Variants in DNAL1 observed in about 807,000 individuals in gnomAD.
DNAL1 encodes the protein dynein axonemal light chain 1.
In DNAL1, 17 loss-of-function variants were observed where a neutral mutation model predicts 29.4. The observed-to-expected ratio is 0.58, with a 90% CI of 0.40 to 0.87. DNAL1 has a LOEUF of 0.87. Among genes scored for constraint, DNAL1 ranks in the 40% least tolerant of loss-of-function variants. The pLI, the probability that DNAL1 is intolerant of heterozygous loss-of-function variation, is 0.00. For synonymous variants in DNAL1, 78 were observed against 76.3 expected (o/e 1.02, Z -0.12); for missense variants, 188 against 214.1 (o/e 0.88, Z 0.76).
At chr14:73,679,237 G>T (rs2018718) in intron 5 of DNAL1, among the ~76,000 whole-genome samples, 29,241 of 152,042 alleles carry the variant, frequency 0.19, 3,729 homozygotes, top group Non-Finnish European at 0.29. Context: ...CTTGTGATCC[G>T]CCTGCCTCAC....
chr14:73,654,899 T>C lies in DNAL1; in HGVS notation c.42+14T>C. ...TTAGCGAGATGGGTGAGTACATGAG[T>C]TTTTCCTTCTTTTAGAAACTGTACA... On this transcript the variant is annotated intron_variant, in intron 2 of 7. Coordinates refer to ENST00000553645, the MANE Select transcript of DNAL1 (RefSeq NM_031427.4). 1 of 1,542,152 alleles carries C rather than the reference T, an allele frequency of 6.5e-7. No homozygotes were observed. Among genetic ancestry groups the C allele is most frequent in the South Asian group, 1.2e-5 (1 of 81,320 alleles).
intron 7 of DNAL1, among the ~76,000 whole-genome samples, chr14:73,695,073 T>TG (rs1892271811): frequency 9.0e-6 from 1 of 111,708 alleles, no homozygotes; most frequent in South Asian, 2.6e-4. Context: ...TTTTTTTTTT[T>TG]GAGACAGGGT....
rs116600997 is a variant in DNAL1, at chr14:73,689,290, C to G, written c.392-85C>G. ...GTCGTGATCCGCCCGCCTTGTCCCC[C>G]CAAAGTTCTGGGATTACAGGCGTGG... On this transcript the variant is annotated intron_variant, in intron 6 of 7. Transcript: ENST00000553645. 2.4e-3 allele frequency: 3,646 copies of G among 1,503,126 alleles called. 57 individuals are homozygous for G. In the African/African-American group the frequency reaches 0.04, roughly 17 times the overall value. 93.1% of individuals were successfully genotyped at this position (1,503,126 alleles called of 1,614,324 possible).
chr14:73,670,416 G>A (rs1210337209), intron 4 of DNAL1, among the ~76,000 whole-genome samples: 1 of 152,162 alleles, frequency 6.6e-6, no homozygotes, highest in African/African-American at 2.4e-5. Context: ...AGTTATAGAT[G>A]TTTAAGTTAT....
intron 2 of DNAL1, among the ~76,000 whole-genome samples, chr14:73,656,937 A>C (rs138201523): frequency 8.6e-5 from 13 of 151,420 alleles, no homozygotes; most frequent in African/African-American, 3.1e-4. Flanking sequence ...AATATATTTT[A>C]TTTTTCTTTT....
At chr14:73,664,518 A>G (rs41339746) in intron 4 of DNAL1, among the ~76,000 whole-genome samples, 6,344 of 152,276 alleles carry the variant, frequency 0.042, 461 homozygotes, top group African/African-American at 0.14. Context: ...TATTAATGCA[A>G]TAATTTTCAC....
chr14:73,656,694 G>C (rs997280720), intron 2 of DNAL1, among the ~76,000 whole-genome samples: 1 of 150,926 alleles, frequency 6.6e-6, no homozygotes, highest in Non-Finnish European at 1.5e-5. Flanking sequence ...CCATGGTGCT[G>C]GGATTACAGG....
chr14:73,645,969 T>C (rs1377322817), intron 1 of DNAL1, among the ~76,000 whole-genome samples: 2 of 152,234 alleles, frequency 1.3e-5, no homozygotes, highest in Admixed American at 1.3e-4. Flanking sequence ...CTTTTTGTGA[T>C]TCCAGTGCTA....
intron 5 of DNAL1, among the ~76,000 whole-genome samples, chr14:73,685,543 T>C (rs1892002536): frequency 6.6e-6 from 1 of 150,684 alleles, no homozygotes; most frequent in Non-Finnish European, 1.5e-5. Context: ...CGTTCCAACC[T>C]CTACCTCCCA....
intron 6 of DNAL1, among the ~76,000 whole-genome samples, chr14:73,688,998 C>G (rs1386001341): frequency 8.0e-5 from 12 of 150,658 alleles, no homozygotes; most frequent in Non-Finnish European, 1.6e-4. Context: ...GGAATTTAAT[C>G]CCCAAAATTG....
rs1006328071 is a variant in DNAL1, at chr14:73,700,904, A to T, written c.*4962A>T. Reference sequence around the variant, plus strand: ...CTTTATCTGTGCTCTAACATGTGTCATATTGTTTTCTTTTTGTAAACCATA... The same window carrying T: ...CTTTATCTGTGCTCTAACATGTGTCTTATTGTTTTCTTTTTGTAAACCATA... On this transcript the variant is annotated 3_prime_UTR_variant, in exon 8 of 8. Coordinates refer to ENST00000553645, the MANE Select transcript of DNAL1 (RefSeq NM_031427.4). The T allele has an allele frequency of 1.3e-5, 2 of 152,226 alleles. No individual in the cohort carries two copies. The highest frequency in any genetic ancestry group is 2.4e-5 in the African/African-American group (1 of 41,470). The allele number at this position is 152,226 out of a possible 1,614,324, so 9.4% of individuals were successfully genotyped here. A position where few individuals can be genotyped will look rare whatever the true frequency, so the allele number is the denominator to read the frequency against.
intron 7 of DNAL1, among the ~76,000 whole-genome samples, chr14:73,694,565 C>A (rs1421287935): frequency 6.6e-6 from 1 of 151,858 alleles, no homozygotes; most frequent in Non-Finnish European, 1.5e-5. Context: ...AGTGTATCCC[C>A]AATGTTCAGC....
intron 5 of DNAL1, among the ~76,000 whole-genome samples, chr14:73,680,995 G>C (rs1202581369): frequency 2.0e-5 from 3 of 152,194 alleles, no homozygotes; most frequent in Admixed American, 1.3e-4. Context: ...TATCATAAAT[G>C]GAGCTTGCAG....
In DNAL1 at chr14:73,662,011, C is replaced by G. The variant is rs1406598032; in HGVS notation, c.177C>G (p.Cys59Trp). The G allele has an allele frequency of 6.4e-7, 1 of 1,560,162 alleles. No individual in the cohort carries two copies. The highest frequency in any genetic ancestry group is 1.2e-5 in the South Asian group (1 of 84,264). ...GGAAGCTTTCACTGTCTACAAACTG[C>G]ATTGAAAAAATTGCCAACCTGAATG... ...NCEKLSLSTNCIEKIANLNGL... is the reference protein window; with the variant it reads ...NCEKLSLSTNWIEKIANLNGL... The change falls in exon 4 of 8, where the codon TGC becomes TGG. Residue 59 changes from cysteine (C) to tryptophan (W), a missense_variant. Physicochemically the swap from Cys to Trp is radical, Grantham distance 215. Coordinates refer to ENST00000553645, the MANE Select transcript of DNAL1 (RefSeq NM_031427.4).
At chr14:73,666,500 T>G (rs1891483851) in intron 4 of DNAL1, among the ~76,000 whole-genome samples, 1 of 152,214 alleles carries the variant, frequency 6.6e-6, no homozygotes, top group Admixed American at 6.5e-5. Context: ...GGATACTGTA[T>G]GAAGAAAACA....
chr14:73,655,015 G>T, intron 2 of DNAL1, 130 bp downstream of exon 2: 1 of 902,566 alleles, frequency 1.1e-6, no homozygotes. Flanking sequence ...TGTCTATGGT[G>T]GTGGATGCAT....
rs1453415660 is a variant in DNAL1 at position 73,699,318 on chromosome 14, T to G, written c.*3376T>G. ...TTTTTTGTAATGCTCATTTTTTTTTTTTTTTGAGACAGAGTCTCGCTCTGT... is the reference window on the plus strand; with the variant it reads ...TTTTTTGTAATGCTCATTTTTTTTTGTTTTTGAGACAGAGTCTCGCTCTGT... On this transcript the variant is annotated 3_prime_UTR_variant, in exon 8 of 8. Coordinates refer to ENST00000553645, the MANE Select transcript of DNAL1 (RefSeq NM_031427.4). The G allele has an allele frequency of 6.6e-6, 1 of 151,956 alleles. No homozygotes were observed. Among genetic ancestry groups the G allele is most frequent in the African/African-American group, 2.4e-5 (1 of 41,326 alleles). The allele number at this position is 151,956 out of a possible 1,614,324, so 9.4% of individuals were successfully genotyped here.
intron 1 of DNAL1, among the ~76,000 whole-genome samples, chr14:73,645,462 A>C (rs1890957546): frequency 1.3e-5 from 2 of 152,190 alleles, no homozygotes; most frequent in African/African-American, 2.4e-5. Context: ...GGATTGCAGC[A>C]GTTTTCGTAA....
In DNAL1 at chr14:73,644,993, C is replaced by G; in HGVS notation, c.-47C>G. ...GCCGAGAAGTGCGCACGCGCACTGA[C>G]CCCGCGGGCCCTAGCAACCAGAGCA... On this transcript the variant is annotated 5_prime_UTR_variant, in exon 1 of 8. Transcript: ENST00000553645. 1 of 1,604,378 alleles carries G rather than the reference C, an allele frequency of 6.2e-7. No homozygotes were observed. Among genetic ancestry groups the G allele is most frequent in the Non-Finnish European group, 8.5e-7 (1 of 1,176,140 alleles).
Sources: gnomAD v4.1 joint callset for allele counts (sites outside exome capture counted in the v4.1 genomes callset) on GRCh38, gnomAD v4.1.1 for gene constraint, MANE v1.5 for transcripts, NCBI Gene and HGNC (gene_info 2026-07-23, HGNC 2026-07-21) for gene names.